XPA: variants seen among roughly 807,000 people sequenced by gnomAD.
XPA encodes DNA repair protein complementing XP-A cells.
A neutral mutation model predicts 35.7 loss-of-function variants in XPA; 27 were observed. The observed-to-expected ratio is 0.76, with a 90% CI of 0.56 to 1.04. The LOEUF (loss-of-function observed/expected upper bound fraction) is 1.04, where lower values mean the gene tolerates loss of function less well. XPA is among the 50% of genes least tolerant of loss of function. The probability of loss-of-function intolerance (pLI) is 0.00; values close to 1 mark genes in which losing one functional copy is unlikely to be tolerated. For missense variants in XPA, 354 were observed against 342.7 expected (o/e 1.03, Z -0.26); for synonymous variants, 133 against 118.4 (o/e 1.12, Z -0.80).
chr9:97,692,116 AC>A (rs1316265829), intron 2 of XPA, among the ~76,000 whole-genome samples: 1 of 150,960 alleles, frequency 6.6e-6, no homozygotes, highest in South Asian at 2.1e-4. Flanking sequence ...ACATGGAGAA[AC>A]CCCGTCTCTA....
intron 5 of XPA, among the ~76,000 whole-genome samples, chr9:97,682,742 A>G (rs1828585182): frequency 6.6e-6 from 1 of 152,242 alleles, no homozygotes; most frequent in African/African-American, 2.4e-5. Context: ...GACAATTGAC[A>G]GTAGCTTATC....
At chr9:97,655,330 T>C in the XPA span, among the ~76,000 whole-genome samples, 1 of 152,262 alleles carries the variant, frequency 6.6e-6, no homozygotes, top group East Asian at 1.9e-4. Context: ...CCTGCCTTAG[T>C]CTCCATCCCG....
At chr9:97,662,815 C>A in the XPA span, 1 of 613,782 alleles carries the variant, frequency 1.6e-6, no homozygotes. Flanking sequence ...ACACTTTTTG[C>A]ATCCTTAATG....
chr9:97,691,132 T>C (rs765150401), intron 2 of XPA, among the ~76,000 whole-genome samples: 21 of 152,166 alleles, frequency 1.4e-4, no homozygotes, highest in Non-Finnish European at 2.6e-4. Flanking sequence ...AGCATGGTAA[T>C]AGAAGAGAGA....
At chr9:97,666,793 A>G in the XPA span, 1 of 1,608,484 alleles carries the variant, frequency 6.2e-7, no homozygotes, top group South Asian at 1.1e-5. Flanking sequence ...TGCACTCTAC[A>G]ATTCGTAAGA....
At chr9:97,672,446 A>AAAT (rs1329886450), downstream of XPA, 2 of 152,236 alleles carry the variant, frequency 1.3e-5, no homozygotes, top group Admixed American at 6.5e-5. Context: ...TAGAATGTTT[A>AAAT]AATACCATAC....
the XPA span, chr9:97,662,887 C>A: frequency 8.3e-7 from 1 of 1,202,058 alleles, no homozygotes; most frequent in Non-Finnish European, 1.2e-6. Context: ...ATTGAAAAGG[C>A]TTTGAAAACA....
At chr9:97,696,739 C>T (rs1037739418) in intron 1 of XPA, among the ~76,000 whole-genome samples, 1 of 152,192 alleles carries the variant, frequency 6.6e-6, no homozygotes, top group African/African-American at 2.4e-5. Context: ...GGTATAGAGG[C>T]CAGAATCAAG....
the XPA span, among the ~76,000 whole-genome samples, chr9:97,659,881 A>G: frequency 6.6e-6 from 1 of 152,158 alleles, no homozygotes; most frequent in Non-Finnish European, 1.5e-5. Flanking sequence ...TTCTCCCCAC[A>G]TGGACCTCTA....
chr9:97,696,867 G>C (rs1316377471), intron 1 of XPA, among the ~76,000 whole-genome samples: 1 of 152,232 alleles, frequency 6.6e-6, no homozygotes, highest in Admixed American at 6.5e-5. Context: ...CAGCAGCCGA[G>C]GTGCAGCGAA....
chr9:97,667,412 GA>G, the XPA span, among the ~76,000 whole-genome samples: 1 of 152,090 alleles, frequency 6.6e-6, no homozygotes, highest in Non-Finnish European at 1.5e-5. Flanking sequence ...TACCATAGTA[GA>G]AGGTGAAAAA....
Position 97,689,649 on chromosome 9 carries a change from GGAAAATGA to G in XPA, c.284-18_284-11del, listed in dbSNP as rs1237731563. On this transcript the variant is annotated splice_polypyrimidine_tract_variant and intron_variant, in intron 2 of 5. Transcript: ENST00000375128. ...AATTCCATAACAGGTCCTAAGAAAA[GGAAAATGA>G]ACTCTAGTTTCCTTTTTTATGACTA... 4 of 1,544,860 alleles carry G rather than the reference GGAAAATGA, an allele frequency of 2.6e-6. No homozygotes were observed. The African/African-American group carries it at 5.4e-5, about 21-fold the overall frequency.
At position 97,675,098 on chromosome 9, in the gene XPA, A is replaced by C; in HGVS notation, c.*341T>G. The C allele has an allele frequency of 1.8e-6, 1 of 542,446 alleles. No individual in the cohort carries two copies. The highest frequency in any genetic ancestry group is 3.9e-5 in the East Asian group (1 of 25,826). The allele number at this position is 542,446 out of a possible 1,614,324, so 33.6% of individuals were successfully genotyped here. A position where few individuals can be genotyped will look rare whatever the true frequency, so the allele number is the denominator to read the frequency against. ...AAGAATCCAGTTCAGCCTTTGTTGAACCCTTTTCCCTCTACCCCAATCTAG... is the reference window on the plus strand; with the variant it reads ...AAGAATCCAGTTCAGCCTTTGTTGACCCCTTTTCCCTCTACCCCAATCTAG... On this transcript the variant is annotated 3_prime_UTR_variant, in exon 6 of 6. Coordinates refer to ENST00000375128, the MANE Select transcript of XPA (RefSeq NM_000380.4).
At position 97,697,101 on chromosome 9, in the gene XPA, A is replaced by G. The variant is rs750526340; in HGVS notation, c.172+20T>C. Reference sequence around the variant, plus strand: ...GGGAGGCGGGGAGAGGGAAGGGGAAAGCGCGGACGCGGCCCAAACCTCCAG... The same window carrying G: ...GGGAGGCGGGGAGAGGGAAGGGGAAGGCGCGGACGCGGCCCAAACCTCCAG... On this transcript the variant is annotated intron_variant, in intron 1 of 5. Coordinates refer to ENST00000375128, the MANE Select transcript of XPA (RefSeq NM_000380.4). 254 of 1,525,372 alleles carry G rather than the reference A, an allele frequency of 1.7e-4. 4 individuals carry two copies. The South Asian group carries it at 3.0e-3, about 18-fold the overall frequency. 94.5% of individuals were successfully genotyped at this position (1,525,372 alleles called of 1,614,324 possible). A position where few individuals can be genotyped will look rare whatever the true frequency, so the allele number is the denominator to read the frequency against.
chr9:97,694,390 T>G (rs772642553), intron 1 of XPA, among the ~76,000 whole-genome samples: 6 of 152,168 alleles, frequency 3.9e-5, no homozygotes, highest in Non-Finnish European at 8.8e-5. Flanking sequence ...GGACTCACAT[T>G]CAGAATACAT....
the XPA span, among the ~76,000 whole-genome samples, chr9:97,655,212 A>G: frequency 0.094 from 14,271 of 152,084 alleles, 2,295 homozygotes; most frequent in African/African-American, 0.33. Flanking sequence ...TTTATCTGCA[A>G]TTTCTTTTTT....
At chr9:97,694,797 TAAA>T (rs1156229990) in intron 1 of XPA, among the ~76,000 whole-genome samples, 1 of 151,956 alleles carries the variant, frequency 6.6e-6, no homozygotes, top group African/African-American at 2.4e-5. Flanking sequence ...CTAAAATACA[TAAA>T]AAAGAATGTG....
At position 97,685,006 on chromosome 9, in the gene XPA, T is replaced by C. The variant is rs1350010010; in HGVS notation, c.590A>G (p.Gln197Arg). The change falls in exon 5 of 6, where the codon CAA becomes CGA. Residue 197 changes from glutamine (Q) to arginine (R), a missense_variant. Gln to Arg is a conservative substitution (Grantham distance 43). Coordinates refer to ENST00000375128, the MANE Select transcript of XPA (RefSeq NM_000380.4). ...TTCCTTTGCTTCTTCTAATGCTTCT[T>C]GACTACCCCAAACTTCAAGAGACCT... ...VKRSLEVWGS[Q>R]EALEEAKEVR... The C allele has an allele frequency of 1.9e-6, 3 of 1,613,738 alleles. No homozygotes were observed. The highest frequency in any genetic ancestry group is 3.3e-4 in the Middle Eastern group (2 of 6,058).
At chr9:97,696,763 C>T (rs1051826344) in intron 1 of XPA, among the ~76,000 whole-genome samples, 1 of 152,204 alleles carries the variant, frequency 6.6e-6, no homozygotes, top group South Asian at 2.1e-4. Flanking sequence ...TAGTCTAACT[C>T]CTCTTTCCGG....
Sources: allele counts gnomAD v4.1 joint callset (sites outside exome capture counted in the v4.1 genomes callset), GRCh38; gene constraint gnomAD v4.1.1; transcripts MANE v1.5; gene names NCBI Gene and HGNC (gene_info 2026-07-23, HGNC 2026-07-21).